The following MCM9 variants were observed in gnomAD, a reference collection of about 807,000 sequenced individuals.
The protein encoded by MCM9 is DNA helicase MCM9.
In MCM9, 55 loss-of-function variants were observed where a neutral mutation model predicts 72.8. The ratio of observed to expected loss-of-function variants is 0.76; its 90% CI spans 0.61 to 0.95. The LOEUF (loss-of-function observed/expected upper bound fraction) is 0.95. Among genes scored for constraint, MCM9 ranks in the 40% least tolerant of loss-of-function variants. The probability of loss-of-function intolerance (pLI) is 0.00; values close to 1 mark genes in which losing one functional copy is unlikely to be tolerated. For synonymous variants in MCM9, 480 were observed against 503.4 expected (o/e 0.95, Z 0.62); for missense variants, 1,279 against 1,377.0 (o/e 0.93, Z 1.13).
chr6:118,845,911 C>T (rs184499063), intron 9 of MCM9, among the ~76,000 whole-genome samples: 556 of 151,880 alleles, frequency 3.7e-3, no homozygotes, highest in Non-Finnish European at 6.6e-3. Context: ...AAATATGCTT[C>T]CCTGAACCTT....
At position 118,917,690 on chromosome 6, in the gene MCM9, C is replaced by T. The variant is rs1307448805; in HGVS notation, c.775G>A (p.Val259Met). ...KPFQQDVRCE[V>M]EIVLKANYIQ... is the part of the protein sequence containing the mutation. The stretch of plus-strand genomic sequence containing the variant: ...TAATTTGCTTTCAGGACTATCTCCA[C>T]TTCACAGCGCACATCTTGCTGAAAG... Residue 259 changes from valine to methionine, a missense_variant, in exon 6 of 14, where the codon GTG becomes ATG. Coordinates refer to ENST00000619706, the MANE Select transcript of MCM9 (RefSeq NM_017696.3). The T allele has an allele frequency of 3.1e-6, 5 of 1,614,166 alleles. No individual in the cohort carries two copies. The highest frequency in any genetic ancestry group is 2.2e-5 in the South Asian group (2 of 91,088).
chr6:118,827,725 A>G (rs1774256432), intron 11 of MCM9, among the ~76,000 whole-genome samples: 2 of 152,170 alleles, frequency 1.3e-5, no homozygotes, highest in Admixed American at 1.3e-4. Context: ...CTCTTTCTTA[A>G]TGACACCACA....
At chr6:118,905,268 A>C (rs1323860381) in intron 8 of MCM9, among the ~76,000 whole-genome samples, 1 of 152,228 alleles carries the variant, frequency 6.6e-6, no homozygotes, top group Non-Finnish European at 1.5e-5. Context: ...GTCTATGAGG[A>C]GATCATTTAA....
chr6:118,818,295 T>C (rs1773541659), intron 13 of MCM9, among the ~76,000 whole-genome samples: 1 of 152,238 alleles, frequency 6.6e-6, no homozygotes. Flanking sequence ...CAACTTGAGT[T>C]AATTTTTGTA....
At chr6:118,884,182 T>C (rs991757934) in intron 8 of MCM9, among the ~76,000 whole-genome samples, 1 of 152,212 alleles carries the variant, frequency 6.6e-6, no homozygotes, top group South Asian at 2.1e-4. Context: ...ACTCTTGCTC[T>C]TCCTTCTTTT....
chr6:118,859,921 C>T (rs1287101162), intron 8 of MCM9, among the ~76,000 whole-genome samples: 1 of 152,186 alleles, frequency 6.6e-6, no homozygotes, highest in African/African-American at 2.4e-5. Context: ...CTGAGAAGCA[C>T]GTGTGAAGTT....
chr6:118,825,283 G>A (rs1774091919), intron 13 of MCM9, among the ~76,000 whole-genome samples: 1 of 152,168 alleles, frequency 6.6e-6, no homozygotes, highest in African/African-American at 2.4e-5. Flanking sequence ...TTTATACAAA[G>A]TGCAAGTTTA....
intron 8 of MCM9, among the ~76,000 whole-genome samples, chr6:118,889,145 G>A (rs937341862): frequency 2.0e-5 from 3 of 152,190 alleles, no homozygotes; most frequent in African/African-American, 7.2e-5. Flanking sequence ...GGTACTTAGA[G>A]GTGGATTCTT....
At chr6:118,922,820 T>A (rs1198403543) in intron 4 of MCM9, among the ~76,000 whole-genome samples, 1 of 151,712 alleles carries the variant, frequency 6.6e-6, no homozygotes, top group Non-Finnish European at 1.5e-5. Context: ...TCACCTGAGG[T>A]TAGAGGGTTT....
intron 8 of MCM9, among the ~76,000 whole-genome samples, chr6:118,862,912 A>G (rs144714889): frequency 0.52 from 78,373 of 152,042 alleles, 21,590 homozygotes; most frequent in East Asian, 0.65. Flanking sequence ...CTTTCAAAGT[A>G]AAAGAGAAAT....
At chr6:118,911,443 C>T (rs1780539269) in intron 8 of MCM9, 1 of 1,290,160 alleles carries the variant, frequency 7.8e-7, no homozygotes, top group Non-Finnish European at 9.8e-7. Context: ...TAGGATTGTT[C>T]AAAACTAAGA....
chr6:118,896,273 T>A (rs1779405233), intron 8 of MCM9, among the ~76,000 whole-genome samples: 1 of 152,170 alleles, frequency 6.6e-6, no homozygotes, highest in Non-Finnish European at 1.5e-5. Flanking sequence ...ATTTTTTTTT[T>A]ATTGCCAACT....
chr6:118,846,552 C>G (rs1035094882), intron 9 of MCM9, among the ~76,000 whole-genome samples: 5 of 151,634 alleles, frequency 3.3e-5, no homozygotes, highest in African/African-American at 1.2e-4. Context: ...CTGAAAGTTC[C>G]GGGGACCAGA....
chr6:118,855,707 T>G (rs191897741), intron 9 of MCM9, among the ~76,000 whole-genome samples: 143 of 152,280 alleles, frequency 9.4e-4, no homozygotes, highest in Middle Eastern at 3.4e-3. Flanking sequence ...CGGAAACAGT[T>G]CTAGCCCTGT....
chr6:118,868,685 T>C (rs1777381318), intron 8 of MCM9, among the ~76,000 whole-genome samples: 1 of 152,166 alleles, frequency 6.6e-6, no homozygotes, highest in Non-Finnish European at 1.5e-5. Context: ...TCACTGGTCA[T>C]TAGAGAAATG....
intron 8 of MCM9, among the ~76,000 whole-genome samples, chr6:118,863,062 C>T (rs531636032): frequency 6.6e-5 from 10 of 151,560 alleles, no homozygotes; most frequent in African/African-American, 2.4e-4. Context: ...GAGCATTAGA[C>T]AAAAAAAACC....
Position 118,888,213 on chromosome 6 carries a change from A to G in MCM9, c.1150+23437T>C, listed in dbSNP as rs553233185. Among the ~76,000 whole-genome samples the G allele has an allele frequency of 2.8e-3, 420 of 152,264 alleles. 1 individual carries two copies. The highest frequency in any genetic ancestry group is 9.5e-3 in the African/African-American group (393 of 41,554). ...TTAAAAAACAGTCTGGTGGCCGGGC[A>G]TGGTGGCTCATGCCTGTAATCCCAG... On this transcript the variant is annotated intron_variant, in intron 8 of 13. Coordinates refer to ENST00000619706, the MANE Select transcript of MCM9 (RefSeq NM_017696.3).
intron 8 of MCM9, among the ~76,000 whole-genome samples, chr6:118,873,774 G>A (rs1777764591): frequency 6.6e-6 from 1 of 152,178 alleles, no homozygotes; most frequent in Non-Finnish European, 1.5e-5. Context: ...CTAGCTCATT[G>A]TATGAGGCCA....
intron 8 of MCM9, 166 bp downstream of exon 8, chr6:118,911,484 T>C: frequency 7.6e-7 from 1 of 1,318,104 alleles, no homozygotes; most frequent in Non-Finnish European, 9.7e-7. Flanking sequence ...TGCAAGATAT[T>C]TTCTTAGAGC....
Sources: allele counts gnomAD v4.1 joint callset (sites outside exome capture counted in the v4.1 genomes callset), GRCh38; gene constraint gnomAD v4.1.1; transcripts MANE v1.5; gene names NCBI Gene and HGNC (gene_info 2026-07-23, HGNC 2026-07-21).